The following RALGPS2 variants were observed in gnomAD, a reference collection of about 807,000 sequenced individuals.
The protein encoded by RALGPS2 is Ral GEF with PH domain and SH3 binding motif 2, also known as ras-specific guanine nucleotide-releasing factor RalGPS2.
RALGPS2 carries 43 observed loss-of-function variants against 86.8 expected under a neutral mutation model. That is an observed-to-expected ratio of 0.50 (90% CI 0.39 to 0.64). The LOEUF is 0.64. RALGPS2 is among the 30% of genes least tolerant of loss of function. RALGPS2 has a pLI of 0.00. For missense variants in RALGPS2, 536 were observed against 694.6 expected, an observed-to-expected ratio of 0.77 and a Z score of 2.57; for synonymous variants, 243 against 231.3, an observed-to-expected ratio of 1.05 and a Z score of -0.46.
intron 5 of RALGPS2, among the ~76,000 whole-genome samples, chr1:178,808,952 T>C (rs1654859712): frequency 1.3e-5 from 2 of 152,052 alleles, no homozygotes; most frequent in South Asian, 4.2e-4. Flanking sequence ...CTGCAACCAG[T>C]CCTCCTGACT....
intron 8 of RALGPS2, chr1:178,852,698 T>C: frequency 1.2e-6 from 2 of 1,613,110 alleles, no homozygotes; most frequent in Non-Finnish European, 1.7e-6. Flanking sequence ...TACATATCTT[T>C]ATCTCTGTCC....
At chr1:178,867,407 T>C (rs1391662098) in intron 8 of RALGPS2, among the ~76,000 whole-genome samples, 1 of 152,070 alleles carries the variant, frequency 6.6e-6, no homozygotes, top group Non-Finnish European at 1.5e-5. Context: ...ATCCCCTGTA[T>C]TTATGTAGCT....
chr1:178,818,372 AGAG>A (rs1655336010), intron 6 of RALGPS2, among the ~76,000 whole-genome samples: 2 of 152,312 alleles, frequency 1.3e-5, no homozygotes, highest in South Asian at 2.1e-4. Flanking sequence ...AAAAGAAAAA[AGAG>A]AGAGAAGCTG....
intron 10 of RALGPS2, 85 bp from the exon 11 acceptor site, chr1:178,883,381 T>A (rs1040560925): frequency 8.2e-6 from 9 of 1,095,942 alleles, no homozygotes; most frequent in Middle Eastern, 2.1e-4. Context: ...GTTTTTAGTT[T>A]TTTTGTGAGA....
At chr1:178,780,137 G>A (rs1653319306) in intron 2 of RALGPS2, among the ~76,000 whole-genome samples, 1 of 152,158 alleles carries the variant, frequency 6.6e-6, no homozygotes, top group South Asian at 2.1e-4. Context: ...AATCATGGAA[G>A]TGACATCTCA....
At chr1:178,766,331 TA>T (rs1652505715) in intron 1 of RALGPS2, among the ~76,000 whole-genome samples, 3 of 151,934 alleles carry the variant, frequency 2.0e-5, no homozygotes, top group Admixed American at 6.5e-5. Context: ...GTGATTCTCC[TA>T]CCTCAGCCTC....
chr1:178,795,563 A>G (rs1385820839), intron 4 of RALGPS2, among the ~76,000 whole-genome samples: 6 of 151,920 alleles, frequency 3.9e-5, no homozygotes, highest in African/African-American at 1.4e-4. Context: ...CAGGTGTGCT[A>G]CCACCACACC....
chr1:178,763,410 A>T (rs1478790106), intron 1 of RALGPS2, among the ~76,000 whole-genome samples: 1 of 152,234 alleles, frequency 6.6e-6, no homozygotes, highest in East Asian at 1.9e-4. Flanking sequence ...TAGGAATACC[A>T]TTGAATCTTT....
intron 19 of RALGPS2, among the ~76,000 whole-genome samples, chr1:178,911,527 A>C (rs1660625177): frequency 6.6e-6 from 1 of 152,176 alleles, no homozygotes; most frequent in South Asian, 2.1e-4. Flanking sequence ...GGTTTTGAGA[A>C]AACTTCTTGG....
At chr1:178,795,575 G>A (rs1654152221) in intron 4 of RALGPS2, among the ~76,000 whole-genome samples, 1 of 151,900 alleles carries the variant, frequency 6.6e-6, no homozygotes, top group Admixed American at 6.6e-5. Flanking sequence ...CACCACACCT[G>A]GCTAATTTTT....
chr1:178,884,267 A>C (rs1408825560), intron 11 of RALGPS2, among the ~76,000 whole-genome samples: 2 of 152,202 alleles, frequency 1.3e-5, no homozygotes, highest in Non-Finnish European at 2.9e-5. Context: ...CAAGTATTAA[A>C]AATGTAAAAA....
Position 178,906,843 on chromosome 1 carries a change from A to T in RALGPS2, c.1698A>T (p.Ala566=), listed in dbSNP as rs750787979. 9 of 1,613,338 alleles carry T rather than the reference A, an allele frequency of 5.6e-6. No individual in the cohort carries two copies. Among genetic ancestry groups the T allele is most frequent in the Non-Finnish European group, 7.6e-6 (9 of 1,179,656 alleles). ...NAMLWFKHLS[A]ACQSNKQQVP... The stretch of plus-strand genomic sequence containing the variant: ...TGTTATGGTTTAAGCATTTGAGTGC[A>T]GCCTGCCAAAGTAACAAACAACAGG... Residue 566 remains alanine, a synonymous_variant, in exon 19 of 20, where the codon GCA becomes GCT. Coordinates refer to ENST00000367635, the MANE Select transcript of RALGPS2 (RefSeq NM_152663.5).
chr1:178,784,428 G>A lies in RALGPS2; in HGVS notation c.68G>A (p.Ser23Asn). 3 of 1,600,098 alleles carry A rather than the reference G, an allele frequency of 1.9e-6. No homozygotes were observed. The highest frequency in any genetic ancestry group is 2.7e-5 in the African/African-American group (2 of 74,846). Residue 23 changes from serine (S) to asparagine (N), a missense_variant, in exon 3 of 20, where the codon AGC (serine) becomes AAC (asparagine). Physicochemically the swap from Ser to Asn is conservative, Grantham distance 46. This residue lies in a region of RALGPS2 where 43 missense variants were observed against 34.9 expected (regional missense o/e 1.23). Coordinates refer to ENST00000367635, the MANE Select transcript of RALGPS2 (RefSeq NM_152663.5). ...CTTTCACTTTAACAGAAAAGTAGCA[G>A]CTCTGAATCCTTAAGTGACAAAGGC... ...IAATASEKSS[S>N]SESLSDKGSE...
In RALGPS2 at chr1:178,877,593, A is replaced by C. The variant is rs746154442; in HGVS notation, c.703A>C (p.Ile235Leu). 2 of 1,613,368 alleles carry C rather than the reference A, an allele frequency of 1.2e-6. No homozygotes were observed. Among genetic ancestry groups the C allele is most frequent in the Non-Finnish European group, 1.7e-6 (2 of 1,179,582 alleles). Residue 235 changes from isoleucine (I) to leucine (L), a missense_variant, in exon 9 of 20, where the codon ATC becomes CTC. Coordinates refer to ENST00000367635, the MANE Select transcript of RALGPS2 (RefSeq NM_152663.5). ...GCAAAGATCAAATTTAATGAATAATATCCTTCGAATAATTTCTGATTTACA... is the reference window on the plus strand; with the variant it reads ...GCAAAGATCAAATTTAATGAATAATCTCCTTCGAATAATTTCTGATTTACA... ...NEQRSNLMNN[I>L]LRIISDLQQS...
chr1:178,852,843 A>G, intron 8 of RALGPS2: 1 of 1,613,872 alleles, frequency 6.2e-7, no homozygotes, highest in East Asian at 2.2e-5. Context: ...AGACTTTTTT[A>G]TCACTCCAGT....
Position 178,856,202 on chromosome 1 carries a change from G to GATATAT in RALGPS2, c.608-21269_608-21264dup, listed in dbSNP as rs55797277. Among the ~76,000 whole-genome samples, 541 of 83,802 alleles carry GATATAT rather than the reference G, an allele frequency of 6.5e-3. 8 individuals carry two copies. The highest frequency in any genetic ancestry group is 0.018 in the African/African-American group (278 of 15,520). 55.0% of individuals were successfully genotyped at this position (83,802 alleles called of 152,430 possible). A position where few individuals can be genotyped will look rare whatever the true frequency, so the allele number is the denominator to read the frequency against. On this transcript the variant is annotated intron_variant, in intron 8 of 19. Coordinates refer to ENST00000367635, the MANE Select transcript of RALGPS2 (RefSeq NM_152663.5). ...ACCTGTACTTTTCCAGAGAGAGAGAGATATATATATATATATATATATATA... is the reference window on the plus strand; with the variant it reads ...ACCTGTACTTTTCCAGAGAGAGAGAGATATATATATATATATATATATATATATATA...
At chr1:178,796,514 C>G (rs1448311379) in intron 4 of RALGPS2, among the ~76,000 whole-genome samples, 1 of 152,128 alleles carries the variant, frequency 6.6e-6, no homozygotes, top group Non-Finnish European at 1.5e-5. Flanking sequence ...CCCCATTGCC[C>G]TCTCCCTGCT....
intron 8 of RALGPS2, among the ~76,000 whole-genome samples, chr1:178,848,611 G>A (rs1021280379): frequency 2.0e-5 from 3 of 152,178 alleles, no homozygotes; most frequent in African/African-American, 7.2e-5. Flanking sequence ...AGATTTGCAA[G>A]TGAAGATAAT....
intron 1 of RALGPS2, chr1:178,726,217 A>G (rs541247189): frequency 6.6e-6 from 1 of 152,408 alleles, no homozygotes; most frequent in South Asian, 2.1e-4. Flanking sequence ...TAGGCTCATA[A>G]ACACCGTGCT....
Sources: allele counts gnomAD v4.1 joint callset (sites outside exome capture counted in the v4.1 genomes callset), GRCh38; gene constraint gnomAD v4.1.1; regional missense constraint gnomAD v4.1.1; transcripts MANE v1.5; gene names NCBI Gene and HGNC (gene_info 2026-07-23, HGNC 2026-07-21).